STAG2: variants seen among roughly 807,000 people sequenced by gnomAD.
STAG2 encodes the protein STAG2 cohesin complex component, also known as cohesin subunit SA-2.
In STAG2, 14 loss-of-function variants were observed where a neutral mutation model predicts 108.1. The ratio of observed to expected loss-of-function variants is 0.13; its 90% CI spans 0.09 to 0.20. The LOEUF (loss-of-function observed/expected upper bound fraction) is 0.20. Among genes scored for constraint, STAG2 ranks in the 10% least tolerant of loss-of-function variants. The pLI is 1.00. For missense variants in STAG2, 440 were observed against 940.9 expected (o/e 0.47, Z 6.96); for synonymous variants, 307 against 302.7 (o/e 1.01, Z -0.15).
At chrX:124,068,416 A>T in intron 23 of STAG2, 148 bp from the exon 24 acceptor site, 1 of 396,556 alleles carries the variant, frequency 2.5e-6, no homozygotes, top group Non-Finnish European at 4.3e-6. Context: ...TTCATTTCTT[A>T]TAAATTATAA....
At chrX:123,982,176 T>TAAAAA (rs768977083) in intron 1 of STAG2, among the ~76,000 whole-genome samples, 1 of 55,233 alleles carries the variant, frequency 1.8e-5, no homozygotes. Context: ...CTGTCTCTAC[T>TAAAAA]AAAAAAAAAA....
intron 24 of STAG2, among the ~76,000 whole-genome samples, chrX:124,069,400 T>C (rs2058614335): frequency 8.9e-6 from 1 of 112,118 alleles, no homozygotes; most frequent in Admixed American, 9.5e-5. Context: ...TAACCTTTGT[T>C]TTTTCAGGTA....
intron 10 of STAG2, among the ~76,000 whole-genome samples, chrX:124,049,378 C>T (rs938355765): frequency 1.8e-5 from 2 of 111,571 alleles, no homozygotes; most frequent in Admixed American, 9.5e-5. Flanking sequence ...GTTAGTAGAG[C>T]CTGCACGTGC....
chrX:123,973,339 G>A (rs2054457098), intron 1 of STAG2, among the ~76,000 whole-genome samples: 1 of 105,675 alleles, frequency 9.5e-6, no homozygotes, highest in Admixed American at 1.0e-4. Flanking sequence ...TCAGGAGATC[G>A]AGACCATCCT....
At chrX:124,047,029 C>G (rs2057899619) in intron 8 of STAG2, among the ~76,000 whole-genome samples, 1 of 111,086 alleles carries the variant, frequency 9.0e-6, no homozygotes, top group Non-Finnish European at 1.9e-5. Flanking sequence ...TAAGGATAGA[C>G]TGGAGTCAGA....
chrX:124,096,830 T>C (rs1314244743), intron 34 of STAG2, among the ~76,000 whole-genome samples: 5 of 111,991 alleles, frequency 4.5e-5, no homozygotes, highest in African/African-American at 1.6e-4. Context: ...TAATCTGCTT[T>C]CAGATAGCTT....
intron 1 of STAG2, among the ~76,000 whole-genome samples, chrX:123,982,355 T>C (rs960382204): frequency 9.1e-6 from 1 of 110,301 alleles, no homozygotes; most frequent in Non-Finnish European, 1.9e-5. Context: ...AGAAAATGCA[T>C]CCAGAATTTA....
chrX:123,983,974 C>CTTTT (rs199881082), intron 1 of STAG2, among the ~76,000 whole-genome samples: 25 of 61,449 alleles, frequency 4.1e-4, no homozygotes, highest in African/African-American at 1.4e-3. Context: ...CTTTTCTTTT[C>CTTTT]TTTTTTTTTT....
At chrX:124,025,060 T>C (rs1169378530) in intron 3 of STAG2, among the ~76,000 whole-genome samples, 1 of 111,795 alleles carries the variant, frequency 8.9e-6, no homozygotes, top group Non-Finnish European at 1.9e-5. Context: ...CAAACTAGCC[T>C]TACCCCAACC....
At chrX:123,983,721 C>T (rs375638550) in intron 1 of STAG2, among the ~76,000 whole-genome samples, 11 of 109,890 alleles carry the variant, frequency 1.0e-4, no homozygotes, top group Non-Finnish European at 1.3e-4. Context: ...GTAGGAAGTC[C>T]GCAGTATTCT....
chrX:123,980,053 T>C (rs1327621082), intron 1 of STAG2, among the ~76,000 whole-genome samples: 1 of 112,241 alleles, frequency 8.9e-6, no homozygotes, highest in African/African-American at 3.2e-5. Context: ...ACCCTTTTTG[T>C]TTCTGCTTCT....
chrX:123,965,266 T>A (rs2054045110), intron 1 of STAG2, among the ~76,000 whole-genome samples: 2 of 112,175 alleles, frequency 1.8e-5, no homozygotes, highest in African/African-American at 6.5e-5. Flanking sequence ...GATTGTGGCA[T>A]CAGATTTATT....
chrX:124,063,378 T>C (rs752405913), intron 19 of STAG2, among the ~76,000 whole-genome samples, 173 bp downstream of exon 19: 1 of 111,790 alleles, frequency 8.9e-6, no homozygotes, highest in South Asian at 3.7e-4. Flanking sequence ...GTAATGATGC[T>C]TCCCTTTGCT....
chrX:123,990,933 T>C (rs12559968), intron 1 of STAG2, among the ~76,000 whole-genome samples: 6,511 of 111,515 alleles, frequency 0.058, 245 homozygotes, highest in East Asian at 0.16. Flanking sequence ...TACATGTCCT[T>C]CCAGATTTAG....
intron 1 of STAG2, among the ~76,000 whole-genome samples, chrX:123,972,429 G>A (rs1436297016): frequency 9.2e-6 from 1 of 108,582 alleles, no homozygotes; most frequent in East Asian, 2.9e-4. Context: ...TGCCACCATG[G>A]CCGGCTAATT....
At chrX:124,042,869 G>T (rs1460195089) in intron 7 of STAG2, among the ~76,000 whole-genome samples, 1 of 107,788 alleles carries the variant, frequency 9.3e-6, no homozygotes, top group African/African-American at 3.4e-5. Context: ...AAAAAAATTA[G>T]CCGGGAGTCG....
chrX:124,065,366 A>T (rs2058494236), intron 20 of STAG2, among the ~76,000 whole-genome samples: 1 of 111,926 alleles, frequency 8.9e-6, no homozygotes, highest in South Asian at 3.7e-4. Context: ...ATTTTTCGAA[A>T]GTTAAGTTAC....
At chrX:124,050,402 G>A (rs1213017120) in intron 11 of STAG2, 93 bp downstream of exon 11, 5 of 924,793 alleles carry the variant, frequency 5.4e-6, no homozygotes, top group Non-Finnish European at 7.1e-6. Flanking sequence ...TGTATACCTG[G>A]TGACACATTT....
chrX:124,010,836 A>G (rs752201643), intron 1 of STAG2, among the ~76,000 whole-genome samples: 4 of 111,777 alleles, frequency 3.6e-5, no homozygotes, highest in African/African-American at 9.7e-5. Flanking sequence ...TGAGTCCTCC[A>G]ACTTTGTTCT....
Sources: allele counts gnomAD v4.1 joint callset (sites outside exome capture counted in the v4.1 genomes callset), GRCh38; gene constraint gnomAD v4.1.1; transcripts MANE v1.5; gene names NCBI Gene and HGNC (gene_info 2026-07-23, HGNC 2026-07-21).